GSE1: variants seen among roughly 807,000 people sequenced by gnomAD.
The protein encoded by GSE1 is Gse1 coiled-coil protein, also known as genetic suppressor element 1.
GSE1 carries 32 observed loss-of-function variants against 112.6 expected under a neutral mutation model. The ratio of observed to expected loss-of-function variants is 0.28; its 90% CI spans 0.21 to 0.38. The LOEUF (loss-of-function observed/expected upper bound fraction) is 0.38. Among genes scored for constraint, GSE1 ranks in the 10% least tolerant of loss-of-function variants. The probability of loss-of-function intolerance (pLI) is 1.00; values close to 1 mark genes in which losing one functional copy is unlikely to be tolerated. For synonymous variants in GSE1, 1,115 were observed against 735.6 expected (o/e 1.52, Z -8.35); for missense variants, 2,348 against 1,699.2 (o/e 1.38, Z -6.71).
At chr16:85,468,367 A>G (rs1597846940) in intron 2 of GSE1, among the ~76,000 whole-genome samples, 1 of 124,962 alleles carries the variant, frequency 8.0e-6, no homozygotes, top group African/African-American at 3.2e-5. Context: ...CCCAGGCTGG[A>G]GTGCGGTGAC....
At chr16:85,176,857 A>T (rs2074477088) in intron 1 of GSE1, among the ~76,000 whole-genome samples, 2 of 152,184 alleles carry the variant, frequency 1.3e-5, no homozygotes, top group African/African-American at 4.8e-5. Flanking sequence ...ATGCTTCCTG[A>T]CTATCTGCGC....
At chr16:85,478,396 G>A (rs149465644) in intron 2 of GSE1, among the ~76,000 whole-genome samples, 3,829 of 151,990 alleles carry the variant, frequency 0.025, 141 homozygotes, top group African/African-American at 0.088. Flanking sequence ...GTATGGTTGC[G>A]GGCACCTGTA....
chr16:85,513,019 T>C (rs968290599), intron 2 of GSE1, among the ~76,000 whole-genome samples: 1 of 152,166 alleles, frequency 6.6e-6, no homozygotes, highest in African/African-American at 2.4e-5. Flanking sequence ...AACAGTCCTG[T>C]ACGCTTGCCG....
chr16:85,439,274 A>G (rs915647554), intron 2 of GSE1, among the ~76,000 whole-genome samples: 1 of 152,142 alleles, frequency 6.6e-6, no homozygotes, highest in Admixed American at 6.5e-5. Flanking sequence ...AGGCACCAAG[A>G]ATGAGGGTGG....
At chr16:85,218,831 GA>G (rs2075344924) in intron 1 of GSE1, among the ~76,000 whole-genome samples, 1 of 152,184 alleles carries the variant, frequency 6.6e-6, no homozygotes, top group African/African-American at 2.4e-5. Context: ...AGAACCAAAT[GA>G]CCGATTGAAT....
chr16:85,494,157 T>A (rs973346774), intron 2 of GSE1, among the ~76,000 whole-genome samples: 2 of 152,232 alleles, frequency 1.3e-5, no homozygotes, highest in African/African-American at 4.8e-5. Flanking sequence ...AACAGAAGCA[T>A]ATTCTCTCCC....
chr16:85,395,677 G>A (rs2047948167), intron 2 of GSE1, among the ~76,000 whole-genome samples: 1 of 152,108 alleles, frequency 6.6e-6, no homozygotes, highest in Non-Finnish European at 1.5e-5. Flanking sequence ...GACTCACCCT[G>A]AACAAATGCT....
At chr16:85,294,548 G>A (rs1199710211) in intron 1 of GSE1, among the ~76,000 whole-genome samples, 1 of 151,276 alleles carries the variant, frequency 6.6e-6, no homozygotes, top group African/African-American at 2.4e-5. Context: ...CAACAGTGTG[G>A]GGCTGAATTT....
rs529902095 is a variant in GSE1, at chr16:85,412,846, A to T, written c.2464+55203A>T. On this transcript the variant is annotated intron_variant, in intron 2 of 2. Coordinates refer to the GSE1 transcript ENST00000637419. ...AACACCCTTACCTTTTTGCCATATA[A>T]AGCCGCATTCACAGGTTCCAGGGAT... Among the ~76,000 whole-genome samples, 6 of 152,236 alleles carry T rather than the reference A, an allele frequency of 3.9e-5. No individual in the cohort carries two copies. The East Asian group carries it at 1.2e-3, about 29-fold the overall frequency.
chr16:85,613,577 C>T (rs540440833), intron 1 of GSE1, among the ~76,000 whole-genome samples, 179 bp downstream of exon 1: 21 of 152,116 alleles, frequency 1.4e-4, no homozygotes, highest in African/African-American at 4.8e-4. Flanking sequence ...CCACCCCCTT[C>T]CTCCGCCCGC....
chr16:85,316,681 T>A (rs1047671704), intron 1 of GSE1, among the ~76,000 whole-genome samples: 3 of 152,184 alleles, frequency 2.0e-5, no homozygotes, highest in African/African-American at 7.2e-5. Context: ...GGGCTGCACA[T>A]CAGCCAGTGG....
At chr16:85,226,054 C>A (rs993218582) in intron 1 of GSE1, among the ~76,000 whole-genome samples, 3 of 152,164 alleles carry the variant, frequency 2.0e-5, no homozygotes, top group Non-Finnish European at 4.4e-5. Context: ...CTGGTTTCCC[C>A]CTAAGCAAGG....
At chr16:85,415,006 C>A (rs909991801) in intron 2 of GSE1, among the ~76,000 whole-genome samples, 1 of 151,934 alleles carries the variant, frequency 6.6e-6, no homozygotes, top group African/African-American at 2.4e-5. Context: ...GTGCAGTGGT[C>A]CAATCATAGC....
intron 1 of GSE1, among the ~76,000 whole-genome samples, chr16:85,284,089 A>G (rs2044939873): frequency 6.6e-6 from 1 of 152,162 alleles, no homozygotes; most frequent in Admixed American, 6.5e-5. Flanking sequence ...GGCATGCGTG[A>G]GGACAGCTGC....
intron 2 of GSE1, among the ~76,000 whole-genome samples, chr16:85,424,293 G>A (rs1399460073): frequency 2.0e-5 from 3 of 152,230 alleles, no homozygotes; most frequent in Non-Finnish European, 4.4e-5. Flanking sequence ...CCCAGAAGTC[G>A]AGGCTTGAGG....
chr16:85,628,342 C>T (rs1447771984), intron 1 of GSE1, among the ~76,000 whole-genome samples: 3 of 152,236 alleles, frequency 2.0e-5, no homozygotes, highest in African/African-American at 4.8e-5. Context: ...AGGGATGCTG[C>T]CCGCAGGGGA....
intron 2 of GSE1, among the ~76,000 whole-genome samples, chr16:85,548,242 A>AG (rs1380265182): frequency 5.4e-5 from 8 of 147,436 alleles, no homozygotes; most frequent in African/African-American, 1.5e-4. Context: ...AAAAAAAAAA[A>AG]AAAAGAAAGA....
At position 85,656,386 on chromosome 16, in the gene GSE1, C is replaced by T. The variant is rs752065716; in HGVS notation, c.1033C>T (p.Arg345Cys). The change falls in exon 7 of 16, where the codon CGC (arginine) becomes TGC (cysteine). Residue 345 changes from arginine to cysteine, a missense_variant. Physicochemically the swap from Arg to Cys is radical, Grantham distance 180. Transcript: ENST00000253458. ...EELRREREREREREREREADR... is the reference protein window; with the variant it reads ...EELRRERERECEREREREADR... Reference sequence around the variant, plus strand: ...GCTAAGGCGGGAGAGGGAGCGCGAGCGCGAGCGCGAGCGTGAGCGTGAGGC... The same window carrying T: ...GCTAAGGCGGGAGAGGGAGCGCGAGTGCGAGCGCGAGCGTGAGCGTGAGGC... The T allele has an allele frequency of 1.0e-5, 16 of 1,562,756 alleles. No individual in the cohort carries two copies. The highest frequency in any genetic ancestry group is 5.7e-5 in the South Asian group (5 of 87,416).
At chr16:85,548,553 C>T (rs2044786384) in intron 2 of GSE1, among the ~76,000 whole-genome samples, 1 of 152,140 alleles carries the variant, frequency 6.6e-6, no homozygotes, top group South Asian at 2.1e-4. Context: ...CAATTCCACA[C>T]GTGTTGCTGC....
Sources: allele counts gnomAD v4.1 joint callset (sites outside exome capture counted in the v4.1 genomes callset), GRCh38; gene constraint gnomAD v4.1.1; transcripts MANE v1.5; gene names NCBI Gene and HGNC (gene_info 2026-07-23, HGNC 2026-07-21).